The following TSPAN11 variants were observed in gnomAD, a reference collection of about 807,000 sequenced individuals.
TSPAN11 encodes the protein tetraspanin-11.
A neutral mutation model predicts 32.9 loss-of-function variants in TSPAN11; 29 were observed. The observed-to-expected ratio is 0.88, with a 90% CI of 0.66 to 1.20. The LOEUF (loss-of-function observed/expected upper bound fraction) is 1.20, where lower values mean the gene tolerates loss of function less well. TSPAN11 is among the 50% of genes most tolerant of loss of function. TSPAN11 has a pLI of 0.00. For synonymous variants in TSPAN11, 140 were observed against 141.3 expected (o/e 0.99, Z 0.07); for missense variants, 283 against 329.1 (o/e 0.86, Z 1.08).
At chr12:30,947,990 C>A (rs981227716) in intron 1 of TSPAN11, among the ~76,000 whole-genome samples, 3 of 152,116 alleles carry the variant, frequency 2.0e-5, no homozygotes, top group African/African-American at 7.2e-5. Flanking sequence ...ACAGCCATTC[C>A]AAATGGGAGA....
intron 7 of TSPAN11, chr12:30,988,467 T>TA (rs1197293133): frequency 1.3e-5 from 2 of 152,126 alleles, no homozygotes; most frequent in Admixed American, 1.3e-4. Flanking sequence ...TACGCGCCTG[T>TA]AATCCCAGCT....
Position 30,963,743 on chromosome 12 carries a change from G to T in TSPAN11, c.85-83G>T, listed in dbSNP as rs118091949. 2,114 of 1,470,984 alleles carry T rather than the reference G, an allele frequency of 1.4e-3. 7 individuals are homozygous for T. Among genetic ancestry groups the T allele is most frequent in the Admixed American group, 5.6e-3 (301 of 53,502 alleles). 91.1% of individuals were successfully genotyped at this position (1,470,984 alleles called of 1,614,324 possible). On this transcript the variant is annotated intron_variant, in intron 2 of 7. Transcript: ENST00000546076. ...CTGAATGAGCCAGTGCAAGAGAAGTGCCTGGCACCCTGTGGGCACTGAACG... is the reference window on the plus strand; with the variant it reads ...CTGAATGAGCCAGTGCAAGAGAAGTTCCTGGCACCCTGTGGGCACTGAACG...
chr12:30,997,366 C>T (rs1939432024), downstream of TSPAN11: 2 of 152,260 alleles, frequency 1.3e-5, no homozygotes, highest in Middle Eastern at 6.8e-3. Flanking sequence ...AAAGAACTAC[C>T]TGAGAGTGGG....
the TSPAN11 span, among the ~76,000 whole-genome samples, chr12:31,016,314 C>A: frequency 6.6e-6 from 1 of 152,268 alleles, no homozygotes; most frequent in South Asian, 2.1e-4. Context: ...TGGAAAAGTC[C>A]TGGAAATGGC....
At chr12:30,953,157 C>T (rs989101851) in intron 1 of TSPAN11, among the ~76,000 whole-genome samples, 3 of 152,188 alleles carry the variant, frequency 2.0e-5, no homozygotes, top group Admixed American at 6.5e-5. Context: ...GTCTTAGGCT[C>T]TAGCCCCAGT....
chr12:30,930,910 C>T (rs1310054221), intron 1 of TSPAN11, among the ~76,000 whole-genome samples: 1 of 152,220 alleles, frequency 6.6e-6, no homozygotes, highest in African/African-American at 2.4e-5. Flanking sequence ...CTGGCAGCCT[C>T]ACCCTCCCTC....
chr12:30,963,051 A>C (rs1261075486), intron 2 of TSPAN11, among the ~76,000 whole-genome samples: 1 of 152,190 alleles, frequency 6.6e-6, no homozygotes, highest in African/African-American at 2.4e-5. Context: ...GCATCCCCCT[A>C]TCTGCAAATC....
chr12:30,973,395 G>A (rs1490173387), intron 3 of TSPAN11, among the ~76,000 whole-genome samples: 1 of 152,232 alleles, frequency 6.6e-6, no homozygotes, highest in Non-Finnish European at 1.5e-5. Context: ...ACTGTTACAT[G>A]TGGGTACCAT....
At chr12:30,973,049 G>C (rs1938885365) in intron 3 of TSPAN11, among the ~76,000 whole-genome samples, 2 of 152,106 alleles carry the variant, frequency 1.3e-5, no homozygotes, top group Non-Finnish European at 2.9e-5. Flanking sequence ...GCCCTAAAAT[G>C]CTGAATCCAC....
At chr12:30,936,214 T>G (rs1938042024) in intron 1 of TSPAN11, among the ~76,000 whole-genome samples, 1 of 147,184 alleles carries the variant, frequency 6.8e-6, no homozygotes, top group Admixed American at 6.6e-5. Context: ...TCAAAACCCT[T>G]GCCCACAGCT....
At chr12:31,014,066 AC>A in the TSPAN11 span, among the ~76,000 whole-genome samples, 1 of 152,338 alleles carries the variant, frequency 6.6e-6, no homozygotes, top group African/African-American at 2.4e-5. Flanking sequence ...TTTTAAAATC[AC>A]TTACGTGATT....
chr12:31,007,025 A>T, the TSPAN11 span, among the ~76,000 whole-genome samples: 1 of 152,124 alleles, frequency 6.6e-6, no homozygotes, highest in Admixed American at 6.5e-5. Context: ...CATAGCTGCC[A>T]CCAGTCTCCC....
intron 3 of TSPAN11, among the ~76,000 whole-genome samples, chr12:30,971,840 G>T (rs950896150): frequency 1.2e-5 from 1 of 85,078 alleles, no homozygotes; most frequent in Admixed American, 1.4e-4. Context: ...GCAAGGCCTC[G>T]TGTAAAAAAA....
At chr12:31,002,924 G>A in the TSPAN11 span, among the ~76,000 whole-genome samples, 1 of 152,114 alleles carries the variant, frequency 6.6e-6, no homozygotes, top group Non-Finnish European at 1.5e-5. This position sits in a 1 kb window ranked among gnomAD's most constrained non-coding sequence, Gnocchi z 4.8. Context: ...CTCCAGCTGC[G>A]GGCTGTGGGG....
chr12:30,954,477 C>T (rs562487785), intron 2 of TSPAN11: 1 of 224,728 alleles, frequency 4.4e-6, no homozygotes, highest in South Asian at 5.9e-5. Flanking sequence ...TTAACATTCT[C>T]CAGGCCCAGG....
chr12:30,990,621 G>A (rs564855629), intron 7 of TSPAN11, among the ~76,000 whole-genome samples: 1 of 152,192 alleles, frequency 6.6e-6, no homozygotes, highest in African/African-American at 2.4e-5. Context: ...GGGATGGAGA[G>A]GAGGAAGGAG....
At chr12:31,005,594 A>G in the TSPAN11 span, among the ~76,000 whole-genome samples, 1 of 152,182 alleles carries the variant, frequency 6.6e-6, no homozygotes, top group African/African-American at 2.4e-5. Context: ...CTGTGCCGAC[A>G]ACTCCTCCCC....
At chr12:30,956,830 CCCAGGCACTCTG>C (rs1310535146) in intron 2 of TSPAN11, among the ~76,000 whole-genome samples, 1 of 152,236 alleles carries the variant, frequency 6.6e-6, no homozygotes, top group Non-Finnish European at 1.5e-5. Flanking sequence ...TTTCTAGCCC[CCCAGGCACTCTG>C]TCAGGCTATG....
intron 2 of TSPAN11, among the ~76,000 whole-genome samples, chr12:30,960,776 C>T (rs1286491834): frequency 1.3e-5 from 2 of 151,920 alleles, no homozygotes; most frequent in Non-Finnish European, 2.9e-5. Flanking sequence ...CGCTGGCTCA[C>T]ACCTGTAATC....
Sources: gnomAD v4.1 joint callset for allele counts (sites outside exome capture counted in the v4.1 genomes callset) on GRCh38, gnomAD v4.1.1 for gene constraint, Gnocchi (gnomAD v3.1) non-coding constraint, MANE v1.5 for transcripts, NCBI Gene and HGNC (gene_info 2026-07-23, HGNC 2026-07-21) for gene names.